Variants in ZNF385D observed in about 807,000 individuals in gnomAD.
ZNF385D encodes the protein zinc finger protein 659.
In ZNF385D, 15 loss-of-function variants were observed where a neutral mutation model predicts 35.8. That is an observed-to-expected ratio of 0.42 (90% CI 0.28 to 0.64). The LOEUF (loss-of-function observed/expected upper bound fraction) is 0.64. ZNF385D is among the 30% of genes least tolerant of loss of function. The probability of loss-of-function intolerance (pLI) is 0.23; values close to 1 mark genes in which losing one functional copy is unlikely to be tolerated. For synonymous variants in ZNF385D, 212 were observed against 186.8 expected, an observed-to-expected ratio of 1.13 and a Z score of -1.10; for missense variants, 474 against 494.6, an observed-to-expected ratio of 0.96 and a Z score of 0.39.
At chr3:21,904,302 C>CAAAAAA (rs548922115) in intron 3 of ZNF385D, among the ~76,000 whole-genome samples, 25 of 79,190 alleles carry the variant, frequency 3.2e-4, no homozygotes, top group South Asian at 9.3e-4. Flanking sequence ...GACTCCATCT[C>CAAAAAA]AAAAAAAAAA....
At chr3:22,139,533 C>A (rs536922640) in intron 3 of ZNF385D, among the ~76,000 whole-genome samples, 1 of 151,324 alleles carries the variant, frequency 6.6e-6, no homozygotes, top group Admixed American at 6.6e-5. Context: ...CCAAACACCT[C>A]ATGTTCTCAC....
At chr3:21,697,562 T>G (rs372326689) in intron 1 of ZNF385D, among the ~76,000 whole-genome samples, 11 of 152,188 alleles carry the variant, frequency 7.2e-5, no homozygotes, top group African/African-American at 2.4e-4. Flanking sequence ...CATTTGTAAC[T>G]AAGTACTCAA....
At chr3:21,933,033 CAA>C (rs1448174097) in intron 3 of ZNF385D, among the ~76,000 whole-genome samples, 3 of 152,106 alleles carry the variant, frequency 2.0e-5, no homozygotes, top group Admixed American at 2.0e-4. Flanking sequence ...GTTCTGAACC[CAA>C]GAGAGACAGC....
chr3:21,960,584 G>A (rs1013962237), intron 3 of ZNF385D, among the ~76,000 whole-genome samples: 1 of 152,050 alleles, frequency 6.6e-6, no homozygotes, highest in Non-Finnish European at 1.5e-5. Flanking sequence ...CCCACTACTG[G>A]TTATTTATTC....
At chr3:21,929,659 G>C (rs981762819) in intron 3 of ZNF385D, among the ~76,000 whole-genome samples, 4 of 151,844 alleles carry the variant, frequency 2.6e-5, no homozygotes, top group African/African-American at 4.8e-5. Context: ...TTATATATTA[G>C]AAAGAAACAT....
At chr3:22,094,973 T>C (rs1701534900) in intron 3 of ZNF385D, among the ~76,000 whole-genome samples, 1 of 152,006 alleles carries the variant, frequency 6.6e-6, no homozygotes, top group African/African-American at 2.4e-5. Flanking sequence ...TGGCTCATGA[T>C]CATAGCTCAC....
chr3:21,746,549 T>A (rs1234838864), intron 1 of ZNF385D, among the ~76,000 whole-genome samples: 1 of 152,212 alleles, frequency 6.6e-6, no homozygotes, highest in Non-Finnish European at 1.5e-5. Flanking sequence ...TAGTAATTTA[T>A]TGCATGTAAT....
At chr3:22,026,713 A>C (rs2125467035) in intron 3 of ZNF385D, among the ~76,000 whole-genome samples, 1 of 152,296 alleles carries the variant, frequency 6.6e-6, no homozygotes, top group Non-Finnish European at 1.5e-5. Flanking sequence ...GAAAGGCCAA[A>C]TGGAAGCCAT....
chr3:21,965,472 GA>G (rs966564856), intron 3 of ZNF385D, among the ~76,000 whole-genome samples: 3 of 149,486 alleles, frequency 2.0e-5, no homozygotes, highest in South Asian at 2.1e-4. Context: ...TCTAATATCA[GA>G]AAAAAAACTG....
intron 3 of ZNF385D, among the ~76,000 whole-genome samples, chr3:21,776,128 A>C (rs969786524): frequency 1.3e-4 from 19 of 151,986 alleles, no homozygotes; most frequent in Admixed American, 2.6e-4. Context: ...ATTATATCCT[A>C]TATTATGAGT....
chr3:22,095,774 C>G (rs779171), intron 3 of ZNF385D, among the ~76,000 whole-genome samples: 96,532 of 151,620 alleles, frequency 0.64, 31,665 homozygotes, highest in Non-Finnish European at 0.71. Flanking sequence ...GTTAGCATTT[C>G]TACTGTTCAA....
At chr3:22,159,990 A>G (rs1465125109) in intron 3 of ZNF385D, among the ~76,000 whole-genome samples, 1 of 151,952 alleles carries the variant, frequency 6.6e-6, no homozygotes, top group Non-Finnish European at 1.5e-5. Context: ...CACGTGTCAA[A>G]GGAGAGACCA....
chr3:21,834,871 G>A (rs1271151958), intron 3 of ZNF385D, among the ~76,000 whole-genome samples: 1 of 152,074 alleles, frequency 6.6e-6, no homozygotes, highest in African/African-American at 2.4e-5. Flanking sequence ...TGTGAAGAAG[G>A]TGCTTGCTTC....
intron 2 of ZNF385D, among the ~76,000 whole-genome samples, chr3:22,254,432 A>T (rs750861098): frequency 1.1e-4 from 17 of 152,018 alleles, no homozygotes; most frequent in Non-Finnish European, 2.2e-4. Context: ...GAAATATTTA[A>T]TCTGCATATT....
intron 3 of ZNF385D, among the ~76,000 whole-genome samples, chr3:21,950,297 C>T (rs1702002832): frequency 6.6e-6 from 1 of 151,818 alleles, no homozygotes; most frequent in Admixed American, 6.5e-5. Flanking sequence ...TTGCATTTCT[C>T]TAATAACCAG....
intron 3 of ZNF385D, among the ~76,000 whole-genome samples, chr3:21,518,241 T>C (rs1351201894): frequency 6.6e-6 from 1 of 152,108 alleles, no homozygotes; most frequent in African/African-American, 2.4e-5. Flanking sequence ...CTTAAAAACA[T>C]GTCAAAAATA....
chr3:22,261,465 C>A (rs62246552), intron 2 of ZNF385D, among the ~76,000 whole-genome samples: 1,817 of 151,962 alleles, frequency 0.012, 41 homozygotes, highest in South Asian at 0.09. Flanking sequence ...GCTGTCTGAG[C>A]AAAGATGTTC....
chr3:21,725,868 G>T (rs1462986445), intron 1 of ZNF385D, among the ~76,000 whole-genome samples: 1 of 152,008 alleles, frequency 6.6e-6, no homozygotes, highest in African/African-American at 2.4e-5. Context: ...ACCCGGCAGA[G>T]ACATAACAAA....
intron 4 of ZNF385D, among the ~76,000 whole-genome samples, chr3:21,507,264 A>G (rs1352729395): frequency 1.3e-5 from 2 of 152,060 alleles, no homozygotes; most frequent in Non-Finnish European, 2.9e-5. Context: ...CCTTTTCACT[A>G]TTGTTGCCCC....
Sources: gnomAD v4.1 joint callset for allele counts (sites outside exome capture counted in the v4.1 genomes callset) on GRCh38, gnomAD v4.1.1 for gene constraint, MANE v1.5 for transcripts, NCBI Gene and HGNC (gene_info 2026-07-23, HGNC 2026-07-21) for gene names.